PARP8: variants seen among roughly 807,000 people sequenced by gnomAD.
PARP8 encodes poly(ADP-ribose) polymerase family member 8.
PARP8 carries 51 observed loss-of-function variants against 124.1 expected under a neutral mutation model. That is an observed-to-expected ratio of 0.41 (90% CI 0.33 to 0.52). The LOEUF (loss-of-function observed/expected upper bound fraction) is 0.52, where lower values mean the gene tolerates loss of function less well. Ranked by LOEUF, PARP8 falls within the 20% of genes least tolerant of loss-of-function variation. PARP8 has a pLI of 0.21. For missense variants in PARP8, 860 were observed against 1,018.9 expected (o/e 0.84, Z 2.12); for synonymous variants, 391 against 361.5 (o/e 1.08, Z -0.93).
chr5:50,756,451 T>A (rs1759966877), intron 3 of PARP8, among the ~76,000 whole-genome samples: 2 of 152,156 alleles, frequency 1.3e-5, no homozygotes, highest in Admixed American at 1.3e-4. Flanking sequence ...CAAAATAATT[T>A]GAGGAAGATT....
At chr5:50,833,932 A>C in intron 23 of PARP8, 47 bp from the exon 24 acceptor site, 1 of 1,510,682 alleles carries the variant, frequency 6.6e-7, no homozygotes, top group Non-Finnish European at 9.2e-7. Flanking sequence ...CTTTTTTCAC[A>C]AAGTGTTTCA....
At chr5:50,671,435 C>T (rs1190379837) in intron 2 of PARP8, among the ~76,000 whole-genome samples, 1 of 151,400 alleles carries the variant, frequency 6.6e-6, no homozygotes, top group East Asian at 1.9e-4. Context: ...TGTGAACTTT[C>T]AGCCAGGAAT....
In PARP8 at chr5:50,844,920, C is replaced by A. The variant is rs1748504397; in HGVS notation, c.*2852C>A. 6.6e-6 allele frequency: 1 copy of A among 150,790 alleles called. No individual in the cohort carries two copies. The highest frequency in any genetic ancestry group is 2.4e-5 in the African/African-American group (1 of 41,100). The allele number at this position is 150,790 out of a possible 1,614,324, so 9.3% of individuals were successfully genotyped here. A position where few individuals can be genotyped will look rare whatever the true frequency, so the allele number is the denominator to read the frequency against. ...AAGACACTTTTGGTGTCTTCGAGTG[C>A]ACTATGTTGGAATAAATTTTATACT... On this transcript the variant is annotated 3_prime_UTR_variant, in exon 26 of 26. Transcript: ENST00000281631.
intron 2 of PARP8, among the ~76,000 whole-genome samples, chr5:50,713,347 T>C (rs1293927030): frequency 6.6e-6 from 1 of 152,142 alleles, no homozygotes; most frequent in Admixed American, 6.6e-5. Flanking sequence ...CTCAAGCAGT[T>C]CTCCCACCTC....
At chr5:50,802,150 C>T (rs1483909532) in intron 14 of PARP8, among the ~76,000 whole-genome samples, 1 of 152,106 alleles carries the variant, frequency 6.6e-6, no homozygotes, top group Non-Finnish European at 1.5e-5. Flanking sequence ...TATTTTGTTC[C>T]TCTGCTTCTC....
chr5:50,764,667 C>G (rs1760877929), intron 7 of PARP8, among the ~76,000 whole-genome samples: 1 of 152,202 alleles, frequency 6.6e-6, no homozygotes, highest in Non-Finnish European at 1.5e-5. Flanking sequence ...AAAGTTTTAG[C>G]AAATTAGCTG....
Position 50,822,203 on chromosome 5 carries a change from A to T in PARP8, c.1795-132A>T, listed in dbSNP as rs376843137. 14 of 697,276 alleles carry T rather than the reference A, an allele frequency of 2.0e-5. No homozygotes were observed. In the East Asian group the frequency reaches 2.1e-4, roughly 11 times the overall value. 43.2% of individuals were successfully genotyped at this position (697,276 alleles called of 1,614,324 possible). ...TAGTCTTCCCTTTTATGTACACCAAACAGTCATTTCTTTCAAATTGACCCC... is the reference window on the plus strand; with the variant it reads ...TAGTCTTCCCTTTTATGTACACCAATCAGTCATTTCTTTCAAATTGACCCC... On this transcript the variant is annotated intron_variant, in intron 16 of 25. Transcript: ENST00000281631.
chr5:50,679,531 T>G (rs1044970483), intron 2 of PARP8, among the ~76,000 whole-genome samples: 1 of 152,236 alleles, frequency 6.6e-6, no homozygotes, highest in Non-Finnish European at 1.5e-5. Context: ...AGCTTTTGTC[T>G]TGGGCCACCC....
intron 2 of PARP8, among the ~76,000 whole-genome samples, chr5:50,728,279 T>G (rs558005587): frequency 6.6e-6 from 1 of 152,264 alleles, no homozygotes; most frequent in African/African-American, 2.4e-5. Context: ...AATTTTAGAG[T>G]TGGGTATAAG....
At chr5:50,714,445 G>A (rs1755090343) in intron 2 of PARP8, among the ~76,000 whole-genome samples, 1 of 151,864 alleles carries the variant, frequency 6.6e-6, no homozygotes, top group Admixed American at 6.6e-5. Context: ...TGGGATACAT[G>A]TGCTGAACAT....
At chr5:50,668,367 A>ATC (rs1308311611) in intron 2 of PARP8, 1 of 539,728 alleles carries the variant, frequency 1.9e-6, no homozygotes, top group Non-Finnish European at 3.3e-6. Flanking sequence ...TCATGTTGAA[A>ATC]CTGTTCTGCT....
In PARP8 at chr5:50,837,795, T is replaced by TA. The variant is rs927729136; in HGVS notation, c.2462+2790dup. Among the ~76,000 whole-genome samples, 534 of 146,716 alleles carry TA rather than the reference T, an allele frequency of 3.6e-3. 2 individuals are homozygous for TA. The highest frequency in any genetic ancestry group is 0.011 in the African/African-American group (425 of 40,138). ...TAAAAATTTAAAGGAAGATATCAAT[T>TA]AAAAAAAAAAGAAGAGAATTAGAAG... On this transcript the variant is annotated intron_variant, in intron 25 of 25. Coordinates refer to ENST00000281631, the MANE Select transcript of PARP8 (RefSeq NM_024615.4).
At chr5:50,797,104 T>G in intron 13 of PARP8, 34 bp from the exon 14 acceptor site, 1 of 1,609,154 alleles carries the variant, frequency 6.2e-7, no homozygotes, top group Non-Finnish European at 8.5e-7. Context: ...TTTATGAGCT[T>G]GTCTTAATTA....
At chr5:50,826,513 G>A (rs540631195) in intron 18 of PARP8, among the ~76,000 whole-genome samples, 1 of 152,128 alleles carries the variant, frequency 6.6e-6, no homozygotes, top group East Asian at 1.9e-4. Context: ...TAAAAACTAT[G>A]TCTTAAGTTT....
intron 17 of PARP8, among the ~76,000 whole-genome samples, chr5:50,824,205 C>A (rs1746085379): frequency 6.6e-6 from 1 of 152,164 alleles, no homozygotes; most frequent in Non-Finnish European, 1.5e-5. Flanking sequence ...TCTGGACTCT[C>A]AGATATGAGC....
intron 15 of PARP8, among the ~76,000 whole-genome samples, chr5:50,819,671 C>A (rs1332600325): frequency 6.6e-6 from 1 of 152,022 alleles, no homozygotes; most frequent in Non-Finnish European, 1.5e-5. Flanking sequence ...GAACTCCTGA[C>A]CTCAGGCAAT....
At chr5:50,733,953 G>T (rs1425389383) in intron 2 of PARP8, among the ~76,000 whole-genome samples, 2 of 152,074 alleles carry the variant, frequency 1.3e-5, no homozygotes, top group Non-Finnish European at 2.9e-5. Flanking sequence ...CTTGTCTTAT[G>T]TATAGCATTT....
intron 2 of PARP8, among the ~76,000 whole-genome samples, chr5:50,742,825 GT>G (rs1397796802): frequency 5.9e-5 from 9 of 152,174 alleles, no homozygotes; most frequent in African/African-American, 2.2e-4. Context: ...CTAATCTGCA[GT>G]TTGGAGCTGG....
At chr5:50,756,547 A>G (rs1417099754) in intron 3 of PARP8, among the ~76,000 whole-genome samples, 1 of 152,168 alleles carries the variant, frequency 6.6e-6, no homozygotes, top group African/African-American at 2.4e-5. Context: ...CAAACCTCTC[A>G]TTTTATAGCT....
Sources: gnomAD v4.1 joint callset for allele counts (sites outside exome capture counted in the v4.1 genomes callset) on GRCh38, gnomAD v4.1.1 for gene constraint, MANE v1.5 for transcripts, NCBI Gene and HGNC (gene_info 2026-07-23, HGNC 2026-07-21) for gene names.